Variants in USP36 observed in about 807,000 individuals in gnomAD.
USP36 encodes ubiquitin carboxyl-terminal hydrolase 36.
In USP36, 59 loss-of-function variants were observed where a neutral mutation model predicts 111.5. The observed-to-expected ratio is 0.53, with a 90% CI of 0.43 to 0.66. The LOEUF (loss-of-function observed/expected upper bound fraction) is 0.66. Among genes scored for constraint, USP36 ranks in the 30% least tolerant of loss-of-function variants. The pLI is 0.00. For synonymous variants in USP36, 628 were observed against 581.0 expected (o/e 1.08, Z -1.16); for missense variants, 1,488 against 1,468.0 (o/e 1.01, Z -0.22).
Position 78,807,458 on chromosome 17 carries a change from A to C in USP36, c.1586T>G (p.Leu529Arg). Residue 529 changes from leucine to arginine, a missense_variant, in exon 14 of 21, where the codon CTA becomes CGA. This residue lies in a region of USP36 where 1,073 missense variants were observed against 994.1 expected (regional missense o/e 1.08). Coordinates refer to ENST00000449938, the MANE Select transcript of USP36 (RefSeq NM_001385174.1). ...SQTPTHMPTILDDPGKKVKKP... is the reference protein window; with the variant it reads ...SQTPTHMPTIRDDPGKKVKKP... ...CTTCACCTTCTTTCCAGGGTCGTCT[A>C]GGATGGTTGGCATGTGTGTGGGTGT... is the stretch of plus-strand genomic sequence containing the variant. 1 of 1,614,026 alleles carries C rather than the reference A, an allele frequency of 6.2e-7. No individual in the cohort carries two copies.
intron 11 of USP36, 147 bp downstream of exon 11, chr17:78,814,265 A>T: frequency 1.8e-6 from 2 of 1,115,958 alleles, no homozygotes; most frequent in Non-Finnish European, 2.5e-6. Context: ...TTTTCACTCC[A>T]CGCAGAGAGG....
Position 78,803,415 on chromosome 17 carries a change from C to T in USP36, c.2780G>A (p.Gly927Asp). The T allele has an allele frequency of 6.2e-7, 1 of 1,613,992 alleles. No homozygotes were observed. Among genetic ancestry groups the T allele is most frequent in the Non-Finnish European group, 8.5e-7 (1 of 1,179,948 alleles). Reference sequence around the variant, plus strand: ...CCGAAGTGGGTCCTGGTGCAGGCCGCCTTCTTCACCAAGACCTTCTGCTCC... The same window carrying T: ...CCGAAGTGGGTCCTGGTGCAGGCCGTCTTCTTCACCAAGACCTTCTGCTCC... ...RKGAEGLGEE[G>D]GLHQDPLRHS... Residue 927 changes from glycine to aspartate, a missense_variant, in exon 16 of 21, where the codon GGC becomes GAC. Around this residue, in one of 3 missense-constraint regions of USP36, gnomAD observed 1,073 missense variants for 994.1 expected, o/e 1.08. Coordinates refer to ENST00000449938, the MANE Select transcript of USP36 (RefSeq NM_001385174.1). The surrounding 1 kb of genome is among the most constrained non-coding windows in gnomAD (Gnocchi z 4.6).
intron 13 of USP36, 41 bp from the exon 14 acceptor site, chr17:78,807,677 A>C: frequency 2.0e-6 from 3 of 1,504,728 alleles, no homozygotes; most frequent in Non-Finnish European, 2.7e-6. Flanking sequence ...AGGAAGCGAG[A>C]AGTCTCAGCT....
chr17:78,812,507 G>A (rs1358876746), intron 13 of USP36, among the ~76,000 whole-genome samples: 1 of 151,860 alleles, frequency 6.6e-6, no homozygotes, highest in Non-Finnish European at 1.5e-5. Flanking sequence ...GGCTAACACG[G>A]TGAAACCCCG....
At chr17:78,832,509 G>C (rs1275720949) in intron 4 of USP36, among the ~76,000 whole-genome samples, 2 of 152,210 alleles carry the variant, frequency 1.3e-5, no homozygotes, top group East Asian at 3.8e-4. Context: ...CCCCTTGAAG[G>C]GATGGCCATG....
intron 3 of USP36, chr17:78,787,771 A>G (rs1482145165): frequency 2.6e-5 from 4 of 152,232 alleles, no homozygotes; most frequent in East Asian, 1.9e-4. Flanking sequence ...AAGCCCCAGT[A>G]CCTGTGAATG....
rs373789210 is a variant in USP36, at chr17:78,811,673, T to C, written c.1407+1187A>G. ...TCAGGAGGTCAGCAGATAGAGACCA[T>C]CCTGGCTAATAAAGTGAAACCCCGT... On this transcript the variant is annotated intron_variant, in intron 13 of 20. Coordinates refer to ENST00000449938, the MANE Select transcript of USP36 (RefSeq NM_001385174.1). Among the ~76,000 whole-genome samples, 15 of 151,958 alleles carry C rather than the reference T, an allele frequency of 9.9e-5. No individual in the cohort carries two copies. The South Asian group carries it at 2.5e-3, about 25-fold the overall frequency.
intron 4 of USP36, among the ~76,000 whole-genome samples, chr17:78,830,031 G>T (rs1347888597): frequency 6.6e-6 from 1 of 152,160 alleles, no homozygotes; most frequent in Non-Finnish European, 1.5e-5. Flanking sequence ...GAGCCATCGA[G>T]CCCAGCCCCG....
intron 4 of USP36, among the ~76,000 whole-genome samples, chr17:78,832,312 T>G (rs939830018): frequency 1.3e-5 from 2 of 152,290 alleles, no homozygotes; most frequent in African/African-American, 4.8e-5. Context: ...TCCTCAACTC[T>G]TCAAATGCCA....
rs1022821318 is a variant in USP36, at chr17:78,807,514, G to C, written c.1530C>G (p.Pro510=). 18 of 1,613,830 alleles carry C rather than the reference G, an allele frequency of 1.1e-5. No homozygotes were observed. Among genetic ancestry groups the C allele is most frequent in the Non-Finnish European group, 1.5e-5 (18 of 1,179,926 alleles). ...AGAGTTTGGGGGAAGGGGACCCCGA[G>C]GGCAGCTTTGGAGGAATGCAGCCGT... The part of the protein sequence containing the change: ...SQNGCIPPKL[P]SGSPSPKLSQ... The change falls in exon 14 of 21, where the codon CCC becomes CCG. Residue 510 remains proline, a synonymous_variant. Coordinates refer to ENST00000449938, the MANE Select transcript of USP36 (RefSeq NM_001385174.1).
intron 9 of USP36, among the ~76,000 whole-genome samples, chr17:78,819,702 T>C (rs1280731892): frequency 1.3e-5 from 2 of 152,228 alleles, no homozygotes; most frequent in East Asian, 3.8e-4. Flanking sequence ...GCACAATATA[T>C]GCGGCATCTT....
intron 10 of USP36, among the ~76,000 whole-genome samples, 163 bp from the exon 11 acceptor site, chr17:78,814,715 G>A (rs765078399): frequency 1.5e-4 from 23 of 152,158 alleles, no homozygotes; most frequent in Non-Finnish European, 1.8e-4. Context: ...CACTTTGGGA[G>A]GCTGAGGCAG....
chr17:78,796,446 T>C lies in USP36; in HGVS notation c.*1454A>G, dbSNP rs2093629898. ...GGGCACCCTGAGCAGCTCCACTCAC[T>C]GCTGCTGGGACACAGGTGGCCACAG... On this transcript the variant is annotated 3_prime_UTR_variant, in exon 21 of 21. Coordinates refer to ENST00000449938, the MANE Select transcript of USP36 (RefSeq NM_001385174.1). The C allele has an allele frequency of 6.6e-6, 1 of 152,204 alleles. No individual in the cohort carries two copies. The highest frequency in any genetic ancestry group is 2.1e-4 in the South Asian group (1 of 4,828). The allele number at this position is 152,204 out of a possible 1,614,324, so 9.4% of individuals were successfully genotyped here. A position where few individuals can be genotyped will look rare whatever the true frequency, so the allele number is the denominator to read the frequency against.
At chr17:78,806,611 C>T (rs142620769) in intron 14 of USP36, among the ~76,000 whole-genome samples, 137 of 152,340 alleles carry the variant, frequency 9.0e-4, no homozygotes, top group Middle Eastern at 3.4e-3. Context: ...GCGCTTCCTG[C>T]CCGCCCCACC....
At chr17:78,789,517 C>T (rs1301100336) in intron 3 of USP36, among the ~76,000 whole-genome samples, 1 of 152,194 alleles carries the variant, frequency 6.6e-6, no homozygotes, top group African/African-American at 2.4e-5. Flanking sequence ...AGGGTGGAGC[C>T]TGGTGAAGAA....
chr17:78,811,871 G>GA (rs80052933), intron 13 of USP36, among the ~76,000 whole-genome samples: 3,869 of 138,950 alleles, frequency 0.028, 142 homozygotes, highest in African/African-American at 0.092. Flanking sequence ...CCGTCTCAAA[G>GA]AAAAAAAAAA....
rs139647599 is a variant in USP36, at chr17:78,836,554, T to C, written c.-9-182A>G. Among the ~76,000 whole-genome samples, 28 of 152,234 alleles carry C rather than the reference T, an allele frequency of 1.8e-4. No individual in the cohort carries two copies. In the East Asian group the frequency reaches 5.0e-3, roughly 27 times the overall value. The stretch of plus-strand genomic sequence containing the variant: ...AGACCCAGCACTAATCACTTGGACA[T>C]ATTAGTTCACATTTCCCCCACAAAA... On this transcript the variant is annotated intron_variant, in intron 2 of 20. Transcript: ENST00000449938.
In USP36 at chr17:78,803,480, C is replaced by G; in HGVS notation, c.2715G>C (p.Thr905=). 1 of 1,614,044 alleles carries G rather than the reference C, an allele frequency of 6.2e-7. No homozygotes were observed. The highest frequency in any genetic ancestry group is 8.5e-7 in the Non-Finnish European group (1 of 1,180,032). Residue 905 remains threonine, a synonymous_variant, in exon 16 of 21, where the codon ACG becomes ACC. Coordinates refer to ENST00000449938, the MANE Select transcript of USP36 (RefSeq NM_001385174.1). This position sits in a 1 kb window ranked among gnomAD's most constrained non-coding sequence, Gnocchi z 4.6. ...TCCTGCTGCTCGCGTGGTGGCCGTC[C>G]GTAACACATCCCACCTGCTGGCCAT... ...QVNGQQVGCV[T]DGHHASSRKR...
chr17:78,804,861 C>A (rs559697365), intron 15 of USP36, among the ~76,000 whole-genome samples: 8 of 152,156 alleles, frequency 5.3e-5, no homozygotes, highest in African/African-American at 1.9e-4. Flanking sequence ...AAAAAAGATC[C>A]CGTGAGGATT....
Sources: allele counts gnomAD v4.1 joint callset (sites outside exome capture counted in the v4.1 genomes callset), GRCh38; gene constraint gnomAD v4.1.1; regional missense constraint gnomAD v4.1.1; non-coding constraint Gnocchi (gnomAD v3.1); transcripts MANE v1.5; gene names NCBI Gene and HGNC (gene_info 2026-07-23, HGNC 2026-07-21).